Variants in GRIK2 observed in about 807,000 individuals in gnomAD.
GRIK2 encodes glutamate receptor ionotropic, kainate 2.
Under a neutral mutation model 100.3 loss-of-function variants are expected in GRIK2, and 32 were observed. That is an observed-to-expected ratio of 0.32 (90% CI 0.24 to 0.43). The LOEUF (loss-of-function observed/expected upper bound fraction) is 0.43. Ranked by LOEUF, GRIK2 falls within the 20% of genes least tolerant of loss-of-function variation. The probability of loss-of-function intolerance (pLI) is 1.00; values close to 1 mark genes in which losing one functional copy is unlikely to be tolerated. For missense variants in GRIK2, 843 were observed against 1,114.9 expected (o/e 0.76, Z 3.47); for synonymous variants, 417 against 389.4 (o/e 1.07, Z -0.83).
At position 101,962,306 on chromosome 6, in the gene GRIK2, G is replaced by A. The variant is rs186187629; in HGVS notation, c.2085+33674G>A. Among the ~76,000 whole-genome samples the A allele has an allele frequency of 1.2e-4, 18 of 148,482 alleles. 1 individual carries two copies. The highest frequency in any genetic ancestry group is 4.3e-4 in the African/African-American group (17 of 39,906). ...ACTCTGGTTCTTCTTTATGAAAACT[G>A]GCATTCAATGCCTCTAGTCAGCCAT... On this transcript the variant is annotated intron_variant, in intron 14 of 16. Transcript: ENST00000369134.
intron 7 of GRIK2, among the ~76,000 whole-genome samples, chr6:101,762,984 G>C (rs899042747): frequency 2.6e-5 from 4 of 151,370 alleles, no homozygotes; most frequent in Non-Finnish European, 4.4e-5. Context: ...AGTCAGCCCA[G>C]ACAGACTCAA....
chr6:101,516,453 T>G (rs1470485570), intron 2 of GRIK2, among the ~76,000 whole-genome samples: 1 of 152,058 alleles, frequency 6.6e-6, no homozygotes, highest in African/African-American at 2.4e-5. Context: ...AGCCAACTGA[T>G]CTTTGACAAA....
intron 2 of GRIK2, among the ~76,000 whole-genome samples, chr6:101,489,482 G>T: frequency 6.9e-6 from 1 of 145,902 alleles, no homozygotes; most frequent in African/African-American, 2.6e-5. Context: ...TTGAGAATAT[G>T]CTAGTATTTT....
At chr6:101,878,182 A>G (rs1414404587) in intron 11 of GRIK2, among the ~76,000 whole-genome samples, 1 of 149,974 alleles carries the variant, frequency 6.7e-6, no homozygotes, top group Admixed American at 6.7e-5. Flanking sequence ...CTTGATGGAA[A>G]TAATAGCAAA....
At chr6:101,960,893 T>G (rs549429118) in intron 14 of GRIK2, among the ~76,000 whole-genome samples, 106 of 152,320 alleles carry the variant, frequency 7.0e-4, no homozygotes, top group African/African-American at 2.4e-3. Context: ...GGCTCTGTTG[T>G]CACATGTAGT....
At chr6:101,606,091 C>A (rs1364686741) in intron 2 of GRIK2, among the ~76,000 whole-genome samples, 1 of 151,920 alleles carries the variant, frequency 6.6e-6, no homozygotes, top group African/African-American at 2.4e-5. Context: ...AGGTCTCCAA[C>A]TTTGCCCATA....
At chr6:101,907,341 C>T (rs995988738) in intron 12 of GRIK2, among the ~76,000 whole-genome samples, 2 of 150,894 alleles carry the variant, frequency 1.3e-5, no homozygotes, top group Non-Finnish European at 3.0e-5. Context: ...AAAGTGCATA[C>T]AGCATTTCAA....
intron 14 of GRIK2, among the ~76,000 whole-genome samples, chr6:102,012,135 G>A (rs546712754): frequency 6.6e-6 from 1 of 151,322 alleles, no homozygotes; most frequent in East Asian, 2.0e-4. Flanking sequence ...TTTTTCCTCC[G>A]TCAAAGATTA....
chr6:101,754,532 C>T (rs1262196992), intron 7 of GRIK2, among the ~76,000 whole-genome samples: 1 of 152,140 alleles, frequency 6.6e-6, no homozygotes, highest in Non-Finnish European at 1.5e-5. Flanking sequence ...CTATGCTAAC[C>T]AATCATAATG....
chr6:101,474,611 A>G (rs560581142), intron 2 of GRIK2, among the ~76,000 whole-genome samples: 1 of 151,966 alleles, frequency 6.6e-6, no homozygotes, highest in African/African-American at 2.4e-5. Context: ...TCTTATTTCT[A>G]TGATAATCAT....
At chr6:101,923,330 AT>A (rs1217400737) in intron 12 of GRIK2, among the ~76,000 whole-genome samples, 2 of 152,222 alleles carry the variant, frequency 1.3e-5, no homozygotes, top group Non-Finnish European at 2.9e-5. Flanking sequence ...TGGGAAAAAT[AT>A]TTTTTTAGTT....
Position 101,626,411 on chromosome 6 carries a change from C to A in GRIK2, c.315C>A (p.Ala105=), listed in dbSNP as rs374143181. The part of the protein sequence containing the change: ...ACDQLSLGVA[A]IFGPSHSSSA... ...ATCAGCTGTCTCTTGGGGTGGCTGC[C>A]ATCTTCGGGCCTTCACACAGCTCAT... The change falls in exon 4 of 17, where the codon GCC becomes GCA. Residue 105 remains alanine, a synonymous_variant. Coordinates refer to ENST00000369134, the MANE Select transcript of GRIK2 (RefSeq NM_021956.5). The A allele has an allele frequency of 6.2e-7, 1 of 1,613,180 alleles. No individual in the cohort carries two copies. Among genetic ancestry groups the A allele is most frequent in the Non-Finnish European group, 8.5e-7 (1 of 1,179,768 alleles).
At chr6:101,797,001 T>A (rs1360370624) in intron 7 of GRIK2, among the ~76,000 whole-genome samples, 1 of 152,180 alleles carries the variant, frequency 6.6e-6, no homozygotes, top group Non-Finnish European at 1.5e-5. Flanking sequence ...GGCAAAATTA[T>A]TTTCTAGCAT....
At chr6:101,980,185 AAC>A (rs1319057466) in intron 14 of GRIK2, among the ~76,000 whole-genome samples, 1 of 151,962 alleles carries the variant, frequency 6.6e-6, no homozygotes, top group Non-Finnish European at 1.5e-5. Context: ...ACCCTCCCAA[AAC>A]ACAGAGCTTC....
chr6:101,647,844 C>T (rs1781602653), intron 4 of GRIK2, among the ~76,000 whole-genome samples: 1 of 151,992 alleles, frequency 6.6e-6, no homozygotes, highest in African/African-American at 2.4e-5. Context: ...CAGAAGGCAA[C>T]ATTACATATC....
intron 2 of GRIK2, among the ~76,000 whole-genome samples, chr6:101,471,968 T>A (rs888397928): frequency 6.7e-6 from 1 of 148,488 alleles, no homozygotes; most frequent in African/African-American, 2.4e-5. Flanking sequence ...AATTTTTTTC[T>A]TCATTAAAGA....
At chr6:101,789,916 C>G (rs986429740) in intron 7 of GRIK2, among the ~76,000 whole-genome samples, 1 of 152,076 alleles carries the variant, frequency 6.6e-6, no homozygotes, top group Non-Finnish European at 1.5e-5. Context: ...TGAAGAGGTC[C>G]TTCACGTCCC....
At chr6:101,860,788 T>C (rs1054133428) in intron 11 of GRIK2, 1 of 161,146 alleles carries the variant, frequency 6.2e-6, no homozygotes, top group African/African-American at 2.4e-5. Flanking sequence ...CCTCCTGTCA[T>C]GGCTGAGAAT....
intron 1 of GRIK2, among the ~76,000 whole-genome samples, chr6:101,398,211 C>A (rs1775093748): frequency 6.6e-6 from 1 of 152,128 alleles, no homozygotes; most frequent in Admixed American, 6.6e-5. Flanking sequence ...GAAATTTGGG[C>A]ATAAATTATT....
Sources: gnomAD v4.1 joint callset for allele counts (sites outside exome capture counted in the v4.1 genomes callset) on GRCh38, gnomAD v4.1.1 for gene constraint, MANE v1.5 for transcripts, NCBI Gene and HGNC (gene_info 2026-07-23, HGNC 2026-07-21) for gene names.